The following BPIFB3 variants were observed in gnomAD, a reference collection of about 807,000 sequenced individuals.
BPIFB3 encodes BPI fold-containing family B member 3.
In BPIFB3, 49 loss-of-function variants were observed where a neutral mutation model predicts 53.1. The ratio of observed to expected loss-of-function variants is 0.92; its 90% CI spans 0.73 to 1.17. The LOEUF (loss-of-function observed/expected upper bound fraction) is 1.17. Ranked by LOEUF, BPIFB3 falls within the 50% of genes most tolerant of loss-of-function variation. The pLI is 0.00. For missense variants in BPIFB3, 628 were observed against 592.5 expected, an observed-to-expected ratio of 1.06 and a Z score of -0.62; for synonymous variants, 271 against 269.6, an observed-to-expected ratio of 1.01 and a Z score of -0.05.
chr20:33,060,406 A>G (rs1420993255), intron 4 of BPIFB3, among the ~76,000 whole-genome samples: 2 of 152,092 alleles, frequency 1.3e-5, no homozygotes, highest in African/African-American at 4.8e-5. Flanking sequence ...GTGTAACCTC[A>G]GGGAGACCCA....
At chr20:33,055,681 T>G in intron 1 of BPIFB3, 134 bp downstream of exon 2, 1 of 1,311,518 alleles carries the variant, frequency 7.6e-7, no homozygotes, top group African/African-American at 1.5e-5. Flanking sequence ...CACATTCTCC[T>G]GGGAGTAGCT....
intron 9 of BPIFB3, among the ~76,000 whole-genome samples, chr20:33,067,716 T>A (rs1600543244): frequency 6.6e-6 from 1 of 152,086 alleles, no homozygotes. Flanking sequence ...GGGGCAGGGG[T>A]ATCCAGAAGC....
chr20:33,061,626 C>T, intron 4 of BPIFB3, 142 bp from the exon 6 acceptor site: 1 of 745,810 alleles, frequency 1.3e-6, no homozygotes, highest in Non-Finnish European at 2.2e-6. Context: ...GGATTTAACT[C>T]AGGTCTCCAA....
At chr20:33,070,012 G>T in intron 11 of BPIFB3, 57 bp downstream of exon 12, 1 of 1,576,502 alleles carries the variant, frequency 6.3e-7, no homozygotes. Flanking sequence ...CAAGAATTAG[G>T]GGCTGACAGG....
At chr20:33,069,256 C>A (rs1267004710) in intron 10 of BPIFB3, among the ~76,000 whole-genome samples, 2 of 152,162 alleles carry the variant, frequency 1.3e-5, no homozygotes, top group African/African-American at 4.8e-5. Context: ...TCTCCCCAGC[C>A]TCTCTGCCCA....
chr20:33,061,557 G>A (rs1980457408), intron 4 of BPIFB3, among the ~76,000 whole-genome samples: 1 of 152,126 alleles, frequency 6.6e-6, no homozygotes, highest in African/African-American at 2.4e-5. Context: ...TCTAAGGTGG[G>A]CATTGTACAG....
chr20:33,061,408 C>T (rs532928080), intron 4 of BPIFB3, among the ~76,000 whole-genome samples: 10 of 152,260 alleles, frequency 6.6e-5, no homozygotes, highest in African/African-American at 2.4e-4. Context: ...ACTCTGGGGG[C>T]TCAATAACAA....
At chr20:33,063,779 G>T in intron 6 of BPIFB3, 104 bp downstream of exon 7, 2 of 1,182,430 alleles carry the variant, frequency 1.7e-6, no homozygotes, top group Non-Finnish European at 2.4e-6. Flanking sequence ...AGGATCTCAG[G>T]GTCCTTTAGT....
rs1980590049 is a variant in BPIFB3, at chr20:33,064,558, C to G, written c.744+10C>G. The G allele has an allele frequency of 6.2e-7, 1 of 1,613,466 alleles. No individual in the cohort carries two copies. The highest frequency in any genetic ancestry group is 1.7e-5 in the Admixed American group (1 of 59,988). ...AGAACTGGACATCAACGTGAGTAAC[C>G]AGAGGGGCCTCTCCTCCTGCTGGGG... On this transcript the variant is annotated intron_variant, in intron 7 of 14. Transcript: ENST00000375494.
chr20:33,064,151 T>G (rs992418900), intron 6 of BPIFB3, among the ~76,000 whole-genome samples: 1 of 152,112 alleles, frequency 6.6e-6, no homozygotes, highest in Non-Finnish European at 1.5e-5. Flanking sequence ...AATAGAAAAC[T>G]TGGGGCCGGT....
At chr20:33,054,197 A>G (rs1475861873), upstream of BPIFB3, among the ~76,000 whole-genome samples, 2 of 152,014 alleles carry the variant, frequency 1.3e-5, no homozygotes, top group African/African-American at 4.8e-5. Context: ...ATCCCTGTCC[A>G]TAGGATGATC....
exon 7 of BPIFB3, chr20:33,064,537 C>G (rs758350644): frequency 1.2e-6 from 2 of 1,614,064 alleles, no homozygotes; most frequent in South Asian, 2.2e-5. Context: ...GTACATAGAA[C>G]TGGACATCAA....
Position 33,059,377 on chromosome 20 carries a change from G to A in BPIFB3, c.282-1G>A, listed in dbSNP as rs1024840558. The A allele has an allele frequency of 8.7e-6, 14 of 1,609,378 alleles. No individual in the cohort carries two copies. Among genetic ancestry groups the A allele is most frequent in the Non-Finnish European group, 1.2e-5 (14 of 1,178,216 alleles). On this transcript the variant is annotated splice_acceptor_variant, in intron 2 of 14. Coordinates refer to ENST00000375494, the Ensembl canonical transcript of BPIFB3. LOFTEE classifies it high-confidence loss of function. ...AACCCTCTCCCTGACTCCCATCCTA[G>A]TCTGAAGATTGAGGAGCTCACGCTG...
exon 6 of BPIFB3, chr20:33,063,624 G>A (rs772902996): frequency 4.8e-5 from 78 of 1,613,960 alleles, no homozygotes; most frequent in East Asian, 6.7e-5. Context: ...GCTGTGCCCC[G>A]TGGTGGACAG....
chr20:33,069,033 C>A (rs1238590699), intron 10 of BPIFB3, 60 bp downstream of exon 11: 12 of 1,550,526 alleles, frequency 7.7e-6, no homozygotes, highest in Non-Finnish European at 1.1e-5. Flanking sequence ...GGGTGACTGT[C>A]TCCAGGACTG....
At chr20:33,059,248 T>C in intron 2 of BPIFB3, 130 bp from the exon 4 acceptor site, 1 of 637,434 alleles carries the variant, frequency 1.6e-6, no homozygotes, top group East Asian at 2.8e-5. Flanking sequence ...GATGAAGTGA[T>C]GGGCCAAGGG....
Position 33,059,501 on chromosome 20 carries a change from C to T in BPIFB3, c.386+19C>T. On this transcript the variant is annotated intron_variant, in intron 3 of 14. Coordinates refer to ENST00000375494, the Ensembl canonical transcript of BPIFB3. ...GCTCTGGGTGAGTGTGTCCTGGGGA[C>T]CTCTACCCTCCTGCTTCCTATCCCA... 1.3e-6 allele frequency: 2 copies of T among 1,562,116 alleles called. No homozygotes were observed. The highest frequency in any genetic ancestry group is 1.8e-6 in the Non-Finnish European group (2 of 1,140,902).
At chr20:33,058,112 T>TTTCC (rs1331828763) in intron 2 of BPIFB3, among the ~76,000 whole-genome samples, 1 of 151,984 alleles carries the variant, frequency 6.6e-6, no homozygotes, top group Non-Finnish European at 1.5e-5. Context: ...TCAAGTCCAG[T>TTTCC]GGAAACCAGT....
At chr20:33,072,622 A>C in intron 13 of BPIFB3, 95 bp from the exon 15 acceptor site, 1 of 1,024,034 alleles carries the variant, frequency 9.8e-7, no homozygotes, top group Non-Finnish European at 1.5e-6. Context: ...TGGCTAGTGA[A>C]AGTGATGGAA....
Sources: gnomAD v4.1 joint callset for allele counts (sites outside exome capture counted in the v4.1 genomes callset) on GRCh38, gnomAD v4.1.1 for gene constraint, MANE v1.5 for transcripts, NCBI Gene and HGNC (gene_info 2026-07-23, HGNC 2026-07-21) for gene names.